RTL4: variants seen among roughly 807,000 people sequenced by gnomAD.
The protein encoded by RTL4 is retrotransposon Gag-like protein 4.
In RTL4, 4 loss-of-function variants were observed where a neutral mutation model predicts 5.3. That is an observed-to-expected ratio of 0.75 (90% CI 0.37 to 1.72). RTL4 has a LOEUF of 1.72. Ranked by LOEUF, RTL4 falls within the 40% of genes most tolerant of loss-of-function variation. RTL4 has a pLI of 0.04. For missense variants in RTL4, 260 were observed against 227.1 expected, an observed-to-expected ratio of 1.14 and a Z score of -0.93; for synonymous variants, 98 against 87.3, an observed-to-expected ratio of 1.12 and a Z score of -0.68.
At chrX:112,157,544 A>G in the RTL4 span, among the ~76,000 whole-genome samples, 1 of 111,785 alleles carries the variant, frequency 8.9e-6, no homozygotes, top group Non-Finnish European at 1.9e-5. Flanking sequence ...AGTTCGGTCA[A>G]TAGCTTAGCT....
upstream of RTL4, among the ~76,000 whole-genome samples, chrX:112,451,317 T>C (rs1044570091): frequency 9.0e-6 from 1 of 110,799 alleles, no homozygotes; most frequent in Admixed American, 9.6e-5. Flanking sequence ...TTGGGCAACA[T>C]GTTGAAACCT....
the RTL4 span, among the ~76,000 whole-genome samples, chrX:112,094,059 A>C: frequency 4.5e-5 from 5 of 111,881 alleles, no homozygotes; most frequent in South Asian, 1.1e-3. Flanking sequence ...TAGAAGGATC[A>C]CTCTAGCTAT....
At chrX:112,162,679 T>C in the RTL4 span, among the ~76,000 whole-genome samples, 7 of 112,020 alleles carry the variant, frequency 6.2e-5, no homozygotes, top group African/African-American at 9.7e-5. Flanking sequence ...AAACCTTTGT[T>C]AATTATTATT....
At chrX:112,401,116 T>G in the RTL4 span, among the ~76,000 whole-genome samples, 1 of 112,168 alleles carries the variant, frequency 8.9e-6, no homozygotes, top group East Asian at 2.8e-4. Flanking sequence ...GTTCATTGTT[T>G]TCATTGTTTC....
chrX:112,176,181 C>G, the RTL4 span, among the ~76,000 whole-genome samples: 2 of 111,543 alleles, frequency 1.8e-5, no homozygotes, highest in Non-Finnish European at 3.8e-5. Flanking sequence ...TGTGAAGGAC[C>G]TCTTCAAGGA....
the RTL4 span, among the ~76,000 whole-genome samples, chrX:112,304,576 GCTCCAAGTAGTA>G: frequency 4.6e-5 from 5 of 108,626 alleles, no homozygotes; most frequent in Non-Finnish European, 7.6e-5. Context: ...CATATAAAAG[GCTCCAAGTAGTA>G]CTGCAGGAAA....
At chrX:112,227,452 C>A in the RTL4 span, among the ~76,000 whole-genome samples, 1 of 111,399 alleles carries the variant, frequency 9.0e-6, no homozygotes, top group Non-Finnish European at 1.9e-5. Context: ...CAAATTTTGA[C>A]CCATAGGCAG....
At chrX:112,302,270 A>AAAT in the RTL4 span, among the ~76,000 whole-genome samples, 1 of 109,354 alleles carries the variant, frequency 9.1e-6, no homozygotes, top group African/African-American at 3.3e-5. Flanking sequence ...AAAAAAAAAA[A>AAAT]AAAAAGCATT....
chrX:112,139,795 G>A, the RTL4 span, among the ~76,000 whole-genome samples: 3 of 112,062 alleles, frequency 2.7e-5, no homozygotes, highest in Non-Finnish European at 5.6e-5. Context: ...GTTGTGGGAG[G>A]AACCCAGTGG....
the RTL4 span, among the ~76,000 whole-genome samples, chrX:112,402,872 A>G: frequency 0.11 from 12,305 of 111,366 alleles, 661 homozygotes; most frequent in African/African-American, 0.2. Flanking sequence ...GGACAGAGAA[A>G]AAAAATTTGT....
chrX:112,152,814 C>T, the RTL4 span, among the ~76,000 whole-genome samples: 1 of 111,616 alleles, frequency 9.0e-6, no homozygotes, highest in African/African-American at 3.3e-5. Context: ...TCTTTCAAAC[C>T]ATTTGACATA....
the RTL4 span, among the ~76,000 whole-genome samples, chrX:112,205,477 G>T: frequency 1.8e-5 from 2 of 111,519 alleles, no homozygotes; most frequent in African/African-American, 6.5e-5. Flanking sequence ...ACAAAACAAA[G>T]TTTGAATCCA....
the RTL4 span, among the ~76,000 whole-genome samples, chrX:112,434,081 G>T: frequency 5.9e-5 from 6 of 102,308 alleles, no homozygotes; most frequent in African/African-American, 2.2e-4. Context: ...CAGGGATGAA[G>T]CCCACTTGAT....
chrX:112,192,027 C>A, the RTL4 span, among the ~76,000 whole-genome samples: 1 of 98,688 alleles, frequency 1.0e-5, no homozygotes, highest in Non-Finnish European at 2.0e-5. Context: ...GAATTGTTTT[C>A]TTAATTTAGT....
chrX:112,259,557 C>T, the RTL4 span, among the ~76,000 whole-genome samples: 5 of 109,774 alleles, frequency 4.6e-5, no homozygotes, highest in Non-Finnish European at 7.6e-5. Flanking sequence ...ATTACTTTTG[C>T]ACCAACCTAA....
chrX:112,356,193 T>A, the RTL4 span, among the ~76,000 whole-genome samples: 4 of 111,605 alleles, frequency 3.6e-5, no homozygotes, highest in South Asian at 7.6e-4. Flanking sequence ...AGATTTTCCC[T>A]AGCACAAGTA....
chrX:112,328,385 C>A, the RTL4 span, among the ~76,000 whole-genome samples: 3 of 110,823 alleles, frequency 2.7e-5, no homozygotes, highest in Non-Finnish European at 5.7e-5. Context: ...AGACTTTAAA[C>A]CAACAAAGAT....
the RTL4 span, among the ~76,000 whole-genome samples, chrX:112,399,241 G>C: frequency 9.0e-6 from 1 of 111,411 alleles, no homozygotes; most frequent in African/African-American, 3.3e-5. Context: ...CTGGCTAAAG[G>C]TTTACCTATT....
At chrX:112,256,514 C>T in the RTL4 span, among the ~76,000 whole-genome samples, 1 of 111,832 alleles carries the variant, frequency 8.9e-6, no homozygotes, top group African/African-American at 3.2e-5. Flanking sequence ...CACACAGAAG[C>T]TCCATAATTT....
Sources: allele counts gnomAD v4.1 joint callset (sites outside exome capture counted in the v4.1 genomes callset), GRCh38; gene constraint gnomAD v4.1.1; transcripts MANE v1.5; gene names NCBI Gene and HGNC (gene_info 2026-07-23, HGNC 2026-07-21).